Variants in SLC39A11 observed in about 807,000 individuals in gnomAD.
The protein encoded by SLC39A11 is zinc transporter ZIP11.
A neutral mutation model predicts 36.1 loss-of-function variants in SLC39A11; 33 were observed. The observed-to-expected ratio is 0.91, with a 90% CI of 0.69 to 1.22. The LOEUF is 1.22. Ranked by LOEUF, SLC39A11 falls within the 50% of genes most tolerant of loss-of-function variation. The probability of loss-of-function intolerance (pLI) is 0.00; values close to 1 mark genes in which losing one functional copy is unlikely to be tolerated. For synonymous variants in SLC39A11, 166 were observed against 170.3 expected (o/e 0.97, Z 0.20); for missense variants, 432 against 430.3 (o/e 1.00, Z -0.03).
chr17:72,837,381 AAGC>A (rs2078605224), intron 6 of SLC39A11, among the ~76,000 whole-genome samples: 1 of 149,602 alleles, frequency 6.7e-6, no homozygotes, highest in Non-Finnish European at 1.5e-5. Context: ...AAAAAAAAAA[AAGC>A]AGGACTCATA....
intron 5 of SLC39A11, among the ~76,000 whole-genome samples, chr17:72,872,581 T>G (rs1368437350): frequency 1.3e-5 from 2 of 152,244 alleles, no homozygotes; most frequent in Non-Finnish European, 2.9e-5. Flanking sequence ...TGATCCATCT[T>G]GCTTCTAACC....
chr17:72,774,121 T>A (rs776360634), intron 6 of SLC39A11, among the ~76,000 whole-genome samples: 1 of 152,204 alleles, frequency 6.6e-6, no homozygotes, highest in Admixed American at 6.5e-5. Flanking sequence ...TCCAGATAAG[T>A]AGCTGTGCTT....
intron 5 of SLC39A11, among the ~76,000 whole-genome samples, chr17:72,883,183 C>T (rs954589001): frequency 5.3e-5 from 8 of 152,100 alleles, no homozygotes; most frequent in African/African-American, 1.9e-4. Context: ...TAAGCATGGG[C>T]GCATGTGAGT....
chr17:73,062,920 G>A (rs1442631168), intron 3 of SLC39A11, among the ~76,000 whole-genome samples: 2 of 152,144 alleles, frequency 1.3e-5, no homozygotes, highest in Non-Finnish European at 2.9e-5. Flanking sequence ...GAGGTAATGA[G>A]AGCAATGGAG....
chr17:72,875,496 G>T (rs1359385703), intron 5 of SLC39A11, among the ~76,000 whole-genome samples: 1 of 152,128 alleles, frequency 6.6e-6, no homozygotes. Flanking sequence ...GTGAGACAGA[G>T]TTTTATGGAA....
intron 7 of SLC39A11, among the ~76,000 whole-genome samples, chr17:72,693,553 C>T (rs1450600106): frequency 2.0e-5 from 3 of 152,204 alleles, no homozygotes; most frequent in African/African-American, 7.2e-5. Context: ...CAATAGTAAG[C>T]ATCTTGCTTT....
At chr17:72,720,953 C>T (rs1237699022) in intron 7 of SLC39A11, among the ~76,000 whole-genome samples, 1 of 152,006 alleles carries the variant, frequency 6.6e-6, no homozygotes, top group African/African-American at 2.4e-5. Flanking sequence ...CAAGACCCAC[C>T]CACTCCCCCA....
At chr17:72,931,622 C>T (rs1298250298) in intron 5 of SLC39A11, among the ~76,000 whole-genome samples, 3 of 152,208 alleles carry the variant, frequency 2.0e-5, no homozygotes, top group Non-Finnish European at 4.4e-5. Flanking sequence ...CCCCAGGTGT[C>T]CTTATTCTTG....
At chr17:72,718,135 C>T (rs2073486575) in intron 7 of SLC39A11, among the ~76,000 whole-genome samples, 1 of 152,130 alleles carries the variant, frequency 6.6e-6, no homozygotes, top group African/African-American at 2.4e-5. Context: ...CGTAATGAGC[C>T]AAATGAGGTT....
intron 6 of SLC39A11, among the ~76,000 whole-genome samples, chr17:72,836,293 C>T (rs1047809364): frequency 4.6e-5 from 7 of 151,934 alleles, no homozygotes; most frequent in South Asian, 2.1e-4. Context: ...ACACAACACA[C>T]GGAGACAGAG....
chr17:73,050,076 G>A (rs2059442019), intron 3 of SLC39A11, among the ~76,000 whole-genome samples: 1 of 152,148 alleles, frequency 6.6e-6, no homozygotes, highest in Non-Finnish European at 1.5e-5. Flanking sequence ...AGCTGAGATT[G>A]CACCACTGCA....
At chr17:72,937,062 T>C (rs2084816582) in intron 5 of SLC39A11, among the ~76,000 whole-genome samples, 2 of 152,206 alleles carry the variant, frequency 1.3e-5, no homozygotes, top group Non-Finnish European at 2.9e-5. Flanking sequence ...GCCAGTGGGC[T>C]CTGAGGGCTG....
intron 6 of SLC39A11, among the ~76,000 whole-genome samples, chr17:72,739,831 TA>T (rs570125885): frequency 3.3e-5 from 5 of 152,136 alleles, no homozygotes; most frequent in South Asian, 2.1e-4. Context: ...ATGCAGGGAT[TA>T]GGGGCGCCAA....
intron 3 of SLC39A11, among the ~76,000 whole-genome samples, chr17:73,073,015 A>C (rs994295029): frequency 1.3e-5 from 2 of 152,148 alleles, no homozygotes; most frequent in East Asian, 3.8e-4. Context: ...CTCCATCTCT[A>C]CTAAAAATAC....
At chr17:72,783,290 G>A (rs67048023) in intron 6 of SLC39A11, among the ~76,000 whole-genome samples, 29,787 of 151,862 alleles carry the variant, frequency 0.2, 4,148 homozygotes, top group African/African-American at 0.4. Context: ...GCCACCCAGT[G>A]TATGGCACTT....
chr17:72,951,254 C>A, intron 4 of SLC39A11, among the ~76,000 whole-genome samples: 1 of 113,022 alleles, frequency 8.8e-6, no homozygotes, highest in African/African-American at 3.5e-5. Context: ...GGAGAGTGAC[C>A]CTGTTGCAAA....
intron 4 of SLC39A11, among the ~76,000 whole-genome samples, chr17:73,009,128 C>T (rs1204140553): frequency 6.7e-6 from 1 of 150,230 alleles, no homozygotes; most frequent in African/African-American, 2.5e-5. Context: ...CTTTGGGAGG[C>T]CAAGGCGGGC....
chr17:73,008,881 C>T (rs936879798), intron 4 of SLC39A11, among the ~76,000 whole-genome samples: 4 of 151,338 alleles, frequency 2.6e-5, no homozygotes, highest in African/African-American at 4.9e-5. Flanking sequence ...TAGTGAGATG[C>T]TGTCACTACA....
intron 4 of SLC39A11, among the ~76,000 whole-genome samples, chr17:73,021,258 A>G (rs1421475044): frequency 6.6e-6 from 1 of 152,178 alleles, no homozygotes; most frequent in Non-Finnish European, 1.5e-5. Context: ...TATAAGCAAG[A>G]CAGACACGGT....
Sources: gnomAD v4.1 joint callset for allele counts (sites outside exome capture counted in the v4.1 genomes callset) on GRCh38, gnomAD v4.1.1 for gene constraint, MANE v1.5 for transcripts, NCBI Gene and HGNC (gene_info 2026-07-23, HGNC 2026-07-21) for gene names.